PCM1: variants seen among roughly 807,000 people sequenced by gnomAD.
The protein encoded by PCM1 is pericentriolar material 1, also known as pericentriolar material 1 protein.
PCM1 carries 157 observed loss-of-function variants against 241.9 expected under a neutral mutation model. The ratio of observed to expected loss-of-function variants is 0.65; its 90% CI spans 0.57 to 0.74. The LOEUF is 0.74. Ranked by LOEUF, PCM1 falls within the 30% of genes least tolerant of loss-of-function variation. The pLI is 0.00. For synonymous variants in PCM1, 1,085 were observed against 784.9 expected, an observed-to-expected ratio of 1.38 and a Z score of -6.39; for missense variants, 3,478 against 2,360.1, an observed-to-expected ratio of 1.47 and a Z score of -9.81.
chr8:17,975,663 T>C (rs1000170741), intron 23 of PCM1, among the ~76,000 whole-genome samples: 2 of 152,204 alleles, frequency 1.3e-5, no homozygotes, highest in Non-Finnish European at 2.9e-5. Flanking sequence ...CAGCCAGTTA[T>C]ACTGTCCCAT....
intron 9 of PCM1, 39 bp from the exon 10 acceptor site, chr8:17,955,431 G>A (rs1255230600): frequency 1.4e-6 from 2 of 1,463,868 alleles, no homozygotes; most frequent in South Asian, 1.4e-5. Context: ...ATGGTAACTG[G>A]TGATTAAAAA....
intron 6 of PCM1, among the ~76,000 whole-genome samples, chr8:17,941,732 T>C (rs10108545): frequency 0.44 from 66,243 of 151,906 alleles, 16,628 homozygotes; most frequent in Non-Finnish European, 0.58. Context: ...GTTTCAGACA[T>C]TGACGTTACT....
At chr8:17,967,318 T>G in intron 21 of PCM1, 148 bp downstream of exon 21, 1 of 624,920 alleles carries the variant, frequency 1.6e-6, no homozygotes, top group Non-Finnish European at 2.7e-6. Context: ...TTTTTTTTTT[T>G]TCTTTTTGAG....
At position 17,980,782 on chromosome 8, in the gene PCM1, TATA is replaced by T. The variant is rs774450867; in HGVS notation, c.4108+29_4108+31del. 49 of 1,540,916 alleles carry T rather than the reference TATA, an allele frequency of 3.2e-5. No individual in the cohort carries two copies. In the East Asian group the frequency reaches 1.1e-3, roughly 33 times the overall value. On this transcript the variant is annotated intron_variant, in intron 24 of 38. Coordinates refer to ENST00000325083, the MANE Select transcript of PCM1 (RefSeq NM_006197.4). ...TATGTTCTTTTTTGGTTTGCATTAATATAAGGAGGTTTTCAGCTTAGATTTGAA... is the reference window on the plus strand; with the variant it reads ...TATGTTCTTTTTTGGTTTGCATTAATAGGAGGTTTTCAGCTTAGATTTGAA...
chr8:17,976,756 G>C (rs1199702005), intron 23 of PCM1, among the ~76,000 whole-genome samples: 4 of 151,158 alleles, frequency 2.6e-5, no homozygotes, highest in Non-Finnish European at 5.9e-5. Context: ...GGAAAGAGTG[G>C]TGAAGTGGCA....
chr8:18,006,307 A>G lies in PCM1; in HGVS notation c.4872A>G (p.Val1624=). Residue 1624 remains valine, a synonymous_variant, in exon 30 of 39, where the codon GTA becomes GTG. Coordinates refer to ENST00000325083, the MANE Select transcript of PCM1 (RefSeq NM_006197.4). ...GCTCCTCGCAGCTTCTAACTTCAGT[A>G]AGGCGCATGGTTTTGACCCTTACCC... The part of the protein sequence containing the change: ...EVCSSQLLTS[V]RRMVLTLTQQ... 1.2e-6 allele frequency: 2 copies of G among 1,611,968 alleles called. No individual in the cohort carries two copies.
At chr8:17,948,799 T>C (rs1211716424) in intron 7 of PCM1, among the ~76,000 whole-genome samples, 1 of 152,228 alleles carries the variant, frequency 6.6e-6, no homozygotes, top group Non-Finnish European at 1.5e-5. Flanking sequence ...GGTTAATGAC[T>C]AACCTTTTAA....
Position 18,028,164 on chromosome 8 carries a change from A to C in PCM1, c.*502A>C, listed in dbSNP as rs193049090. On this transcript the variant is annotated 3_prime_UTR_variant, in exon 39 of 39. Coordinates refer to ENST00000325083, the MANE Select transcript of PCM1 (RefSeq NM_006197.4). Reference sequence around the variant, plus strand: ...CTGTTGGGTCTGATGTTCTTCTTTTAGATACCTGCAGGTCCTATTCCTGTG... The same window carrying C: ...CTGTTGGGTCTGATGTTCTTCTTTTCGATACCTGCAGGTCCTATTCCTGTG... The C allele has an allele frequency of 5.2e-6, 1 of 194,030 alleles. No individual in the cohort carries two copies. Among genetic ancestry groups the C allele is most frequent in the Admixed American group, 6.1e-5 (1 of 16,366 alleles). The allele number at this position is 194,030 out of a possible 1,614,324, so 12.0% of individuals were successfully genotyped here. A position where few individuals can be genotyped will look rare whatever the true frequency, so the allele number is the denominator to read the frequency against.
intron 10 of PCM1, chr8:17,955,998 T>A (rs994340405): frequency 3.5e-6 from 1 of 283,688 alleles, no homozygotes; most frequent in Admixed American, 4.9e-5. Flanking sequence ...TGTGTTACCC[T>A]GTACAAATAA....
chr8:17,980,667 G>T lies in PCM1; in HGVS notation c.4020G>T (p.Glu1340Asp). 6.2e-7 allele frequency: 1 copy of T among 1,613,358 alleles called. No homozygotes were observed. Among genetic ancestry groups the T allele is most frequent in the Non-Finnish European group, 8.5e-7 (1 of 1,179,530 alleles). The change falls in exon 24 of 39, where the codon GAG becomes GAT. Residue 1340 changes from glutamate (E) to aspartate (D), a missense_variant. By Grantham distance (45) the Glu-to-Asp change is conservative. Transcript: ENST00000325083. ...ACAGACATTCAGCCCAGACTGAAGA[G>T]CCTGTTCAAGCAAAAGTATTCAGCA... ...SRNRHSAQTE[E>D]PVQAKVFSRK...
At position 17,938,924 on chromosome 8, in the gene PCM1, C is replaced by A. The variant is rs2285302; in HGVS notation, c.527C>A (p.Ala176Asp). 8.7e-4 allele frequency: 1,404 copies of A among 1,613,706 alleles called. 20 individuals are homozygous for A. The East Asian group carries it at 0.026, about 29-fold the overall frequency. ...IGSAQCKELF[A>D]SALSNDLLQN... is the part of the protein sequence containing the mutation. ...TCAGCACAGTGTAAAGAGTTGTTTG[C>A]TTCTGCTTTAAGTAATGACCTCTTG... Residue 176 changes from alanine (A) to aspartate (D), a missense_variant, in exon 5 of 39, where the codon GCT becomes GAT. By Grantham distance (126) the Ala-to-Asp change is moderately radical. Transcript: ENST00000325083.
chr8:17,959,903 C>A, intron 13 of PCM1, 111 bp from the exon 14 acceptor site: 1 of 1,016,306 alleles, frequency 9.8e-7, no homozygotes, highest in Non-Finnish European at 1.4e-6. Context: ...GCTTTCTTTA[C>A]TGCTTTAATC....
rs1335474859 is a variant in PCM1 at position 17,960,421 on chromosome 8, C to G, written c.2299C>G (p.Gln767Glu). The change falls in exon 15 of 39, where the codon CAA (glutamine) becomes GAA (glutamate). Residue 767 changes from glutamine to glutamate, a missense_variant. Physicochemically the swap from Gln to Glu is conservative, Grantham distance 29. Coordinates refer to ENST00000325083, the MANE Select transcript of PCM1 (RefSeq NM_006197.4). ...CATTCAGGAGAAAATTCAAGCATTG[C>G]AAACGGCATGCCCTGACTTACAGGT... The part of the protein sequence containing the change: ...IDIQEKIQAL[Q>E]TACPDLQLSA... 2.5e-6 allele frequency: 4 copies of G among 1,602,158 alleles called. No homozygotes were observed. The highest frequency in any genetic ancestry group is 1.4e-5 in the African/African-American group (1 of 73,744).
intron 24 of PCM1, 111 bp from the exon 25 acceptor site, chr8:17,985,336 T>C: frequency 4.5e-6 from 3 of 665,618 alleles, no homozygotes; most frequent in Non-Finnish European, 7.3e-6. Context: ...TAGAATTGTC[T>C]AAAATAGAAT....
chr8:17,929,554 A>T (rs1265718215), intron 2 of PCM1, among the ~76,000 whole-genome samples: 1 of 152,188 alleles, frequency 6.6e-6, no homozygotes, highest in African/African-American at 2.4e-5. Flanking sequence ...TCCTCTCTCA[A>T]CAAAGAAAAC....
intron 6 of PCM1, among the ~76,000 whole-genome samples, chr8:17,943,419 C>G (rs1361353870): frequency 2.0e-5 from 3 of 152,120 alleles, no homozygotes; most frequent in Non-Finnish European, 2.9e-5. Flanking sequence ...AGCAAATAAA[C>G]ATGAAGCATA....
intron 36 of PCM1, chr8:18,015,740 A>AGAG (rs2093103592): frequency 6.6e-6 from 1 of 152,206 alleles, no homozygotes; most frequent in African/African-American, 2.4e-5. Context: ...AGGATTTGAA[A>AGAG]GAGACCCCCT....
chr8:17,929,962 A>G (rs185027364), intron 2 of PCM1, among the ~76,000 whole-genome samples: 15 of 152,266 alleles, frequency 9.9e-5, no homozygotes, highest in African/African-American at 3.4e-4. Context: ...ATGGTTGACT[A>G]TGGGGAACTA....
chr8:17,960,210 TG>T lies in PCM1; in HGVS notation c.2192+46del, dbSNP rs2071019371. 4 of 1,550,740 alleles carry T rather than the reference TG, an allele frequency of 2.6e-6. No homozygotes were observed. In the East Asian group the frequency reaches 9.2e-5, roughly 36 times the overall value. On this transcript the variant is annotated intron_variant, in intron 14 of 38. Coordinates refer to ENST00000325083, the MANE Select transcript of PCM1 (RefSeq NM_006197.4). ...TTCATTTAATATAATAAAAATTTAG[TG>T]CCTGTTTTGGAGAAGGTGCTCAGCT...
Sources: allele counts gnomAD v4.1 joint callset (sites outside exome capture counted in the v4.1 genomes callset), GRCh38; gene constraint gnomAD v4.1.1; transcripts MANE v1.5; gene names NCBI Gene and HGNC (gene_info 2026-07-23, HGNC 2026-07-21).